Variants in ADAM23 observed in about 807,000 individuals in gnomAD.
ADAM23 encodes the protein ADAM metallopeptidase domain 23, also known as disintegrin and metalloproteinase domain-containing protein 23.
ADAM23 carries 33 observed loss-of-function variants against 120.1 expected under a neutral mutation model. That is an observed-to-expected ratio of 0.27 (90% CI 0.21 to 0.37). The LOEUF (loss-of-function observed/expected upper bound fraction) is 0.37, where lower values mean the gene tolerates loss of function less well. ADAM23 is among the 10% of genes least tolerant of loss of function. The pLI, the probability that ADAM23 is intolerant of heterozygous loss-of-function variation, is 1.00. For synonymous variants in ADAM23, 367 were observed against 375.2 expected (o/e 0.98, Z 0.25); for missense variants, 862 against 1,058.2 (o/e 0.81, Z 2.57).
chr2:206,559,919 T>C (rs1697726563), intron 10 of ADAM23, 36 bp from the exon 11 acceptor site: 1 of 1,576,024 alleles, frequency 6.3e-7, no homozygotes, highest in African/African-American at 1.3e-5. Flanking sequence ...TGACCCAGTG[T>C]TTTCCTCCTG....
intron 18 of ADAM23, among the ~76,000 whole-genome samples, chr2:206,582,242 T>A (rs1396700978): frequency 6.6e-6 from 1 of 152,208 alleles, no homozygotes; most frequent in Non-Finnish European, 1.5e-5. Context: ...GGTGCATATA[T>A]GTTTAGGATT....
intron 2 of ADAM23, among the ~76,000 whole-genome samples, chr2:206,452,723 T>C (rs1400454783): frequency 6.6e-6 from 1 of 152,188 alleles, no homozygotes; most frequent in African/African-American, 2.4e-5. Context: ...AGGTAAATCA[T>C]GCAGGAAGAG....
intron 24 of ADAM23, chr2:206,605,670 G>T: frequency 1.5e-6 from 1 of 648,726 alleles, no homozygotes; most frequent in South Asian, 1.8e-5. Flanking sequence ...AAATCTTATA[G>T]CAAAAAAATT....
chr2:206,487,846 T>A (rs1696046351), intron 3 of ADAM23, among the ~76,000 whole-genome samples: 1 of 152,242 alleles, frequency 6.6e-6, no homozygotes, highest in South Asian at 2.1e-4. Flanking sequence ...TCATCTTGAA[T>A]GATGCCCAGG....
chr2:206,535,514 C>G (rs1013945665), intron 4 of ADAM23, among the ~76,000 whole-genome samples: 1 of 152,156 alleles, frequency 6.6e-6, no homozygotes, highest in African/African-American at 2.4e-5. Context: ...CATAAATGTT[C>G]ATAACATTAT....
intron 9 of ADAM23, among the ~76,000 whole-genome samples, chr2:206,551,187 C>T (rs1182553956): frequency 6.6e-6 from 1 of 152,074 alleles, no homozygotes; most frequent in East Asian, 1.9e-4. Flanking sequence ...ACCTAGCTCT[C>T]TTGATTTATA....
intron 4 of ADAM23, among the ~76,000 whole-genome samples, chr2:206,534,378 G>A (rs568757050): frequency 6.6e-6 from 1 of 152,132 alleles, no homozygotes; most frequent in East Asian, 1.9e-4. Context: ...GTATATATAG[G>A]AATTGTATGT....
chr2:206,586,739 G>T (rs796902978), intron 18 of ADAM23, among the ~76,000 whole-genome samples: 4 of 152,290 alleles, frequency 2.6e-5, no homozygotes, highest in African/African-American at 9.6e-5. Context: ...TTTAAAAAAT[G>T]ATTTGATAAA....
chr2:206,569,353 T>C (rs1697951687), intron 15 of ADAM23, among the ~76,000 whole-genome samples: 1 of 152,248 alleles, frequency 6.6e-6, no homozygotes, highest in South Asian at 2.1e-4. Flanking sequence ...TATGGAATTA[T>C]GTCTTTTTAA....
intron 4 of ADAM23, among the ~76,000 whole-genome samples, chr2:206,534,132 T>C (rs1040105949): frequency 1.3e-5 from 2 of 152,202 alleles, no homozygotes; most frequent in African/African-American, 2.4e-5. Flanking sequence ...TTTTCATCAC[T>C]GCATAAAGAA....
chr2:206,587,952 C>A, intron 19 of ADAM23, 139 bp from the exon 20 acceptor site: 1 of 764,966 alleles, frequency 1.3e-6, no homozygotes. Flanking sequence ...TATTTGTGAT[C>A]CTTACTGGTC....
chr2:206,583,401 C>T (rs1244638708), intron 18 of ADAM23, among the ~76,000 whole-genome samples: 2 of 151,772 alleles, frequency 1.3e-5, no homozygotes, highest in Non-Finnish European at 2.9e-5. Context: ...TTGCAGTGAG[C>T]CGAGATAGTG....
In ADAM23 at chr2:206,543,257, A is replaced by T. The variant is rs775278833; in HGVS notation, c.661A>T (p.Met221Leu). 34 of 1,613,742 alleles carry T rather than the reference A, an allele frequency of 2.1e-5. No individual in the cohort carries two copies. The highest frequency in any genetic ancestry group is 3.3e-4 in the Middle Eastern group (2 of 6,032). The part of the protein sequence containing the change: ...ALSTCNGLHG[M>L]FEDDTFVYMI... Reference sequence around the variant, plus strand: ...GTGTGGTTTCTTTTGTGCTAGTGGCATGTTTGAAGATGATACCTTCGTGTA... The same window carrying T: ...GTGTGGTTTCTTTTGTGCTAGTGGCTTGTTTGAAGATGATACCTTCGTGTA... Residue 221 changes from methionine (M) to leucine (L), a missense_variant, in exon 6 of 26, where the codon ATG (methionine) becomes TTG (leucine). By Grantham distance (15) the Met-to-Leu change is conservative. Around this residue, in one of 4 missense-constraint regions of ADAM23, gnomAD observed 617 missense variants for 813.5 expected, o/e 0.76. Coordinates refer to ENST00000264377, the MANE Select transcript of ADAM23 (RefSeq NM_003812.4).
At chr2:206,471,229 T>G (rs1321062918) in intron 2 of ADAM23, among the ~76,000 whole-genome samples, 3 of 152,232 alleles carry the variant, frequency 2.0e-5, no homozygotes, top group African/African-American at 7.2e-5. Context: ...TATGGTTTGC[T>G]AGGTAGAACA....
intron 4 of ADAM23, among the ~76,000 whole-genome samples, chr2:206,541,503 G>C (rs1415827265): frequency 6.6e-6 from 1 of 152,024 alleles, no homozygotes; most frequent in Non-Finnish European, 1.5e-5. Flanking sequence ...CATTAAAAAT[G>C]GTTGCCTTGG....
At chr2:206,595,804 AATAAG>A (rs1028779565) in intron 23 of ADAM23, among the ~76,000 whole-genome samples, 168 of 124,690 alleles carry the variant, frequency 1.3e-3, no homozygotes, top group African/African-American at 4.3e-3. Flanking sequence ...AATAATAAAT[AATAAG>A]ATAAATAATT....
rs1379130303 is a variant in ADAM23, at chr2:206,443,961, C to G, written c.95C>G (p.Ser32Trp). The change falls in exon 1 of 26, where the codon TCG (serine) becomes TGG (tryptophan). Residue 32 changes from serine (S) to tryptophan (W), a missense_variant. Physicochemically the swap from Ser to Trp is radical, Grantham distance 177 (BLOSUM62 -3). Around this residue, in one of 4 missense-constraint regions of ADAM23, gnomAD observed 225 missense variants for 204.0 expected, o/e 1.10. Transcript: ENST00000264377. ...SCGPQRGPAG[S>W]VPASAPARTP... is the part of the protein sequence containing the mutation. ...GGCCCCCAACGCGGCCCCGCCGGCT[C>G]GGTGCCTGCCAGCGCCCCGGCCCGC... 3.9e-6 allele frequency: 5 copies of G among 1,298,418 alleles called. No homozygotes were observed. The highest frequency in any genetic ancestry group is 4.9e-6 in the Non-Finnish European group (5 of 1,025,906). 80.4% of individuals were successfully genotyped at this position (1,298,418 alleles called of 1,614,324 possible).
At chr2:206,455,648 A>G (rs1695283028) in intron 2 of ADAM23, among the ~76,000 whole-genome samples, 2 of 152,240 alleles carry the variant, frequency 1.3e-5, no homozygotes, top group Admixed American at 6.5e-5. Context: ...ACATACTTTT[A>G]GAAGCAGCCA....
In ADAM23 at chr2:206,604,487, G is replaced by A. The variant is rs1248231767; in HGVS notation, c.2360-5423G>A. Among the ~76,000 whole-genome samples the A allele has an allele frequency of 2.0e-5, 3 of 152,020 alleles. No individual in the cohort carries two copies. In the East Asian group the frequency reaches 5.8e-4, roughly 29 times the overall value. ...TGGGGAAACATTGCTGCCACCTTCT[G>A]TGTTGGTCTTCTTCCCTTAGCCTTC... On this transcript the variant is annotated intron_variant, in intron 24 of 25. Coordinates refer to ENST00000264377, the MANE Select transcript of ADAM23 (RefSeq NM_003812.4).
Sources: gnomAD v4.1 joint callset for allele counts (sites outside exome capture counted in the v4.1 genomes callset) on GRCh38, gnomAD v4.1.1 for gene constraint, gnomAD v4.1.1 regional missense constraint, MANE v1.5 for transcripts, NCBI Gene and HGNC (gene_info 2026-07-23, HGNC 2026-07-21) for gene names.